RPH3AL: variants seen among roughly 807,000 people sequenced by gnomAD.
RPH3AL encodes the protein rab effector Noc2.
In RPH3AL, 38 loss-of-function variants were observed where a neutral mutation model predicts 43.1. That is an observed-to-expected ratio of 0.88 (90% confidence interval 0.68 to 1.15). The LOEUF is 1.15. RPH3AL is among the 50% of genes most tolerant of loss of function. The pLI, the probability that RPH3AL is intolerant of heterozygous loss-of-function variation, is 0.00. For missense variants in RPH3AL, 462 were observed against 423.2 expected, an observed-to-expected ratio of 1.09 and a Z score of -0.81; for synonymous variants, 189 against 176.3, an observed-to-expected ratio of 1.07 and a Z score of -0.57.
chr17:324,690 T>TAGCTAG (rs1567524338), intron 3 of RPH3AL, among the ~76,000 whole-genome samples: 2 of 149,692 alleles, frequency 1.3e-5, no homozygotes, highest in African/African-American at 2.5e-5. Flanking sequence ...TTTCTATCTA[T>TAGCTAG]CTAGCTAGCT....
chr17:313,949 G>A (rs967258913), intron 5 of RPH3AL, among the ~76,000 whole-genome samples: 31 of 152,136 alleles, frequency 2.0e-4, no homozygotes, highest in African/African-American at 6.3e-4. Flanking sequence ...AAGATTCCCC[G>A]GCCTCATCAC....
intron 6 of RPH3AL, among the ~76,000 whole-genome samples, chr17:272,984 C>G (rs796177171): frequency 3.4e-4 from 21 of 61,884 alleles, no homozygotes; most frequent in African/African-American, 1.1e-3. Context: ...CCAGCAAGGG[C>G]TACGTCAGGG....
intron 4 of RPH3AL, 71 bp downstream of exon 4, chr17:321,201 C>T: frequency 1.3e-6 from 2 of 1,531,006 alleles, no homozygotes; most frequent in Non-Finnish European, 1.8e-6. Context: ...GAGTGCCGGC[C>T]TCCCAGTCCC....
At chr17:282,024 G>A (rs1024896621) in intron 5 of RPH3AL, among the ~76,000 whole-genome samples, 170 bp from the exon 6 acceptor site, 1 of 152,184 alleles carries the variant, frequency 6.6e-6, no homozygotes, top group Admixed American at 6.5e-5. Context: ...AAAATCCTTA[G>A]TTGGCTTTGG....
At chr17:281,199 T>G (rs189235271) in intron 6 of RPH3AL, among the ~76,000 whole-genome samples, 1 of 151,950 alleles carries the variant, frequency 6.6e-6, no homozygotes, top group Non-Finnish European at 1.5e-5. Flanking sequence ...AGAAGGGGCG[T>G]TGGGTGGCAT....
rs972399315 is a variant in RPH3AL at position 290,065 on chromosome 17, G to A, written c.352-8211C>T. Reference sequence around the variant, plus strand: ...GCACAGTGACTATTTGCAGAAGAACGGATTGAACAAATGGAAGCTACTTAA... The same window carrying A: ...GCACAGTGACTATTTGCAGAAGAACAGATTGAACAAATGGAAGCTACTTAA... On this transcript the variant is annotated intron_variant, in intron 5 of 9. Transcript: ENST00000331302. This position sits in a 1 kb window ranked among gnomAD's most constrained non-coding sequence, Gnocchi z 4.2. 1.3e-5 allele frequency among the ~76,000 whole-genome samples: 2 copies of A among 152,194 alleles called. No individual in the cohort carries two copies. Among genetic ancestry groups the A allele is most frequent in the African/African-American group, 4.8e-5 (2 of 41,450 alleles).
At chr17:350,117 TC>T (rs1315404958) in intron 1 of RPH3AL, among the ~76,000 whole-genome samples, 3 of 152,256 alleles carry the variant, frequency 2.0e-5, no homozygotes, top group Non-Finnish European at 4.4e-5. Context: ...ACACTCCATT[TC>T]TTCCTCTGTA....
intron 2 of RPH3AL, chr17:332,914 G>C: frequency 1.1e-6 from 1 of 878,750 alleles, no homozygotes. Context: ...CCGCAGTACA[G>C]GGACTAGGAG....
At chr17:343,195 C>T (rs143420395) in intron 1 of RPH3AL, among the ~76,000 whole-genome samples, 17 of 152,308 alleles carry the variant, frequency 1.1e-4, no homozygotes, top group African/African-American at 3.8e-4. Context: ...ACAGGCGACA[C>T]ACCAGGTGAC....
chr17:273,741 A>G (rs2042586565), intron 6 of RPH3AL, among the ~76,000 whole-genome samples: 1 of 152,282 alleles, frequency 6.6e-6, no homozygotes, highest in Non-Finnish European at 1.5e-5. Flanking sequence ...GAGCACCTTT[A>G]TATACAACAC....
At chr17:236,162 G>A (rs1413327479) in intron 7 of RPH3AL, among the ~76,000 whole-genome samples, 1 of 152,238 alleles carries the variant, frequency 6.6e-6, no homozygotes, top group Admixed American at 6.5e-5. Context: ...GACACACAGT[G>A]CCAGCCCACA....
intron 7 of RPH3AL, among the ~76,000 whole-genome samples, chr17:243,799 A>G (rs538877317): frequency 5.1e-5 from 7 of 136,272 alleles, no homozygotes; most frequent in Non-Finnish European, 9.3e-5. Flanking sequence ...CCCTTCCTCT[A>G]CTGATTGCCC....
intron 2 of RPH3AL, chr17:331,182 G>C (rs1470729960): frequency 6.4e-6 from 1 of 156,782 alleles, no homozygotes; most frequent in African/African-American, 2.4e-5. Flanking sequence ...GGACAGAGAG[G>C]AGGAGGCCGC....
chr17:219,526 CT>C (rs375837087), intron 8 of RPH3AL, 96 bp downstream of exon 8: 3,436 of 144,500 alleles, frequency 0.024, 4 homozygotes, highest in East Asian at 0.065. Flanking sequence ...CTTTTTCTTC[CT>C]TTTTTTTTTT....
intron 6 of RPH3AL, among the ~76,000 whole-genome samples, chr17:276,207 C>T (rs1188614128): frequency 3.3e-5 from 5 of 152,132 alleles, no homozygotes; most frequent in Admixed American, 2.6e-4. Flanking sequence ...CAAGGTTCAC[C>T]GTGCTAAGAA....
chr17:316,630 TCC>T (rs2044218422), intron 5 of RPH3AL, among the ~76,000 whole-genome samples: 1 of 67,716 alleles, frequency 1.5e-5, no homozygotes, highest in African/African-American at 6.0e-5. Flanking sequence ...GTCCCTGTAC[TCC>T]ACCTCCATTG....
chr17:230,211 T>C (rs1222974151), intron 7 of RPH3AL, among the ~76,000 whole-genome samples: 1 of 152,082 alleles, frequency 6.6e-6, no homozygotes, highest in Non-Finnish European at 1.5e-5. Flanking sequence ...TCGATTTTCA[T>C]TTACTCCCTC....
chr17:272,426 TA>T (rs1235208120), intron 6 of RPH3AL, among the ~76,000 whole-genome samples: 3 of 151,322 alleles, frequency 2.0e-5, no homozygotes, highest in Non-Finnish European at 4.4e-5. Context: ...TATGCAGCCA[TA>T]AAAAAGGATG....
At chr17:262,467 GC>G (rs1371683151) in intron 6 of RPH3AL, among the ~76,000 whole-genome samples, 48 of 152,086 alleles carry the variant, frequency 3.2e-4, no homozygotes, top group Non-Finnish European at 3.8e-4. Context: ...ACCCGCCTCG[GC>G]CTCCCAAAGT....
Sources: allele counts gnomAD v4.1 joint callset (sites outside exome capture counted in the v4.1 genomes callset), GRCh38; gene constraint gnomAD v4.1.1; non-coding constraint Gnocchi (gnomAD v3.1); transcripts MANE v1.5; gene names NCBI Gene and HGNC (gene_info 2026-07-23, HGNC 2026-07-21).